SYCE3: variants seen among roughly 807,000 people sequenced by gnomAD.
SYCE3 encodes the protein synaptonemal complex central element protein 3.
A neutral mutation model predicts 8.1 loss-of-function variants in SYCE3; 3 were observed. That is an observed-to-expected ratio of 0.37 (90% CI 0.17 to 0.96). The LOEUF is 0.96. Ranked by LOEUF, SYCE3 falls within the 40% of genes least tolerant of loss-of-function variation. The pLI is 0.41. For missense variants in SYCE3, 83 were observed against 110.0 expected (o/e 0.75, Z 1.10); for synonymous variants, 36 against 38.7 (o/e 0.93, Z 0.26).
chr22:50,560,476 A>T (rs2069903704), intron 1 of SYCE3, among the ~76,000 whole-genome samples: 2 of 152,348 alleles, frequency 1.3e-5, no homozygotes, highest in South Asian at 4.1e-4. Context: ...AAAAGGGCTC[A>T]GTAAATTCAA....
intron 1 of SYCE3, among the ~76,000 whole-genome samples, chr22:50,561,613 G>T (rs910272083): frequency 6.6e-6 from 1 of 150,758 alleles, no homozygotes; most frequent in Non-Finnish European, 1.5e-5. Context: ...AAGGACGGGG[G>T]TTGAGCGAGT....
At chr22:50,559,316 G>A (rs2069891611) in intron 1 of SYCE3, among the ~76,000 whole-genome samples, 1 of 151,974 alleles carries the variant, frequency 6.6e-6, no homozygotes, top group Non-Finnish European at 1.5e-5. Flanking sequence ...TAGTAGAGAC[G>A]GGGTTTCGCC....
intron 1 of SYCE3, 135 bp from the exon 2 acceptor site, chr22:50,556,540 C>T: frequency 1.6e-6 from 1 of 643,002 alleles, no homozygotes. Context: ...ACGTACTCCA[C>T]AGGGCTGTTG....
At chr22:50,551,701 CA>C in intron 2 of SYCE3, among the ~76,000 whole-genome samples, 1 of 152,356 alleles carries the variant, frequency 6.6e-6, no homozygotes, top group South Asian at 2.1e-4. Flanking sequence ...AGAATTAGAG[CA>C]AACCGCAGCT....
At chr22:50,552,019 T>C (rs1017003045) in intron 2 of SYCE3, among the ~76,000 whole-genome samples, 2 of 152,180 alleles carry the variant, frequency 1.3e-5, no homozygotes, top group Non-Finnish European at 2.9e-5. Flanking sequence ...CCTGGGCCTA[T>C]AGGTGAACAC....
chr22:50,557,810 G>C (rs1198813756), intron 1 of SYCE3, among the ~76,000 whole-genome samples: 4 of 152,142 alleles, frequency 2.6e-5, no homozygotes, highest in African/African-American at 9.7e-5. Context: ...AAACAGGGAG[G>C]GATGGGCCAC....
chr22:50,562,919 GGC>G (rs2146601714), upstream of SYCE3: 1 of 152,512 alleles, frequency 6.6e-6, no homozygotes, highest in Non-Finnish European at 1.5e-5. Flanking sequence ...TGAGGAACAA[GGC>G]CGCTCCTCGA....
At chr22:50,561,248 G>C (rs904379310) in intron 1 of SYCE3, among the ~76,000 whole-genome samples, 1 of 152,108 alleles carries the variant, frequency 6.6e-6, no homozygotes, top group African/African-American at 2.4e-5. Flanking sequence ...GTGGCCACAG[G>C]TAGATTTGGG....
At chr22:50,552,405 C>G (rs933626535) in intron 2 of SYCE3, among the ~76,000 whole-genome samples, 17 of 152,156 alleles carry the variant, frequency 1.1e-4, no homozygotes, top group Non-Finnish European at 1.9e-4. Context: ...GTAATCCCAG[C>G]ACTTTGGGAG....
At chr22:50,552,728 A>G (rs2069822447) in intron 2 of SYCE3, among the ~76,000 whole-genome samples, 1 of 152,200 alleles carries the variant, frequency 6.6e-6, no homozygotes, top group African/African-American at 2.4e-5. Flanking sequence ...TCCCTCCCAC[A>G]TTCACCTGTT....
intron 2 of SYCE3, among the ~76,000 whole-genome samples, chr22:50,554,966 C>T (rs2069845040): frequency 6.7e-6 from 1 of 149,996 alleles, no homozygotes. Flanking sequence ...ACTAAAAATA[C>T]AAAAAATTAG....
chr22:50,558,765 C>T (rs748959316), intron 1 of SYCE3, among the ~76,000 whole-genome samples: 1 of 152,028 alleles, frequency 6.6e-6, no homozygotes, highest in Non-Finnish European at 1.5e-5. Flanking sequence ...CCTTCCTTAA[C>T]CCTCTCCTAT....
rs543798814 is a variant in SYCE3 at position 50,554,504 on chromosome 22, G to A, written c.109+1793C>T. Among the ~76,000 whole-genome samples the A allele has an allele frequency of 6.6e-5, 10 of 151,754 alleles. No individual in the cohort carries two copies. In the South Asian group the frequency reaches 2.1e-3, roughly 31 times the overall value. On this transcript the variant is annotated intron_variant, in intron 2 of 2. Transcript: ENST00000406915. ...AGGTTAGGAGTTTGAGACCAGCCTG[G>A]CCAAAATGGTGAAACTTCGTCTCTA...
chr22:50,560,691 G>T (rs375954006), intron 1 of SYCE3, among the ~76,000 whole-genome samples: 5 of 152,094 alleles, frequency 3.3e-5, no homozygotes, highest in African/African-American at 1.2e-4. Context: ...TGAATTCTTC[G>T]TTTCTAGGCT....
chr22:50,553,492 T>A (rs886635791), intron 2 of SYCE3, among the ~76,000 whole-genome samples: 2 of 152,170 alleles, frequency 1.3e-5, no homozygotes, highest in African/African-American at 4.8e-5. Flanking sequence ...ACCAAAGATA[T>A]GAATCTCCCT....
chr22:50,559,663 G>A (rs1380339219), intron 1 of SYCE3, among the ~76,000 whole-genome samples: 5 of 152,140 alleles, frequency 3.3e-5, no homozygotes, highest in African/African-American at 9.7e-5. Flanking sequence ...AGGCTTAGTC[G>A]GTCATGCCTG....
chr22:50,561,563 C>T (rs1161838363), intron 1 of SYCE3, among the ~76,000 whole-genome samples: 3 of 116,752 alleles, frequency 2.6e-5, no homozygotes, highest in East Asian at 4.4e-4. Flanking sequence ...GAGCGTGGGG[C>T]GGGAGTGTAG....
chr22:50,560,185 G>A (rs2069900500), intron 1 of SYCE3, among the ~76,000 whole-genome samples: 2 of 152,196 alleles, frequency 1.3e-5, no homozygotes, highest in South Asian at 4.2e-4. Flanking sequence ...TATTACACCA[G>A]TGTCAAAGAT....
intron 2 of SYCE3, among the ~76,000 whole-genome samples, chr22:50,551,671 G>C (rs1393864592): frequency 6.6e-6 from 1 of 152,228 alleles, no homozygotes; most frequent in Non-Finnish European, 1.5e-5. Flanking sequence ...CTAGAGGCTG[G>C]TCTGATACGA....
Sources: allele counts gnomAD v4.1 joint callset (sites outside exome capture counted in the v4.1 genomes callset), GRCh38; gene constraint gnomAD v4.1.1; transcripts MANE v1.5; gene names NCBI Gene and HGNC (gene_info 2026-07-23, HGNC 2026-07-21).